The following FGF14 variants were observed in gnomAD, a reference collection of about 807,000 sequenced individuals.
The protein encoded by FGF14 is fibroblast growth factor 14, also known as fibroblast growth factor homologous factor 4.
Under a neutral mutation model 25.5 loss-of-function variants are expected in FGF14, and 5 were observed. That is an observed-to-expected ratio of 0.20 (90% CI 0.10 to 0.41). The LOEUF (loss-of-function observed/expected upper bound fraction) is 0.41. Among genes scored for constraint, FGF14 ranks in the 10% least tolerant of loss-of-function variants. The pLI is 1.00. For missense variants in FGF14, 222 were observed against 320.1 expected (o/e 0.69, Z 2.34); for synonymous variants, 138 against 118.3 (o/e 1.17, Z -1.08).
intron 3 of FGF14, among the ~76,000 whole-genome samples, chr13:101,821,211 G>A (rs1185916417): frequency 2.0e-5 from 3 of 152,172 alleles, no homozygotes; most frequent in South Asian, 4.1e-4. Flanking sequence ...GCCTCCCAAA[G>A]TGCTGGGATT....
At chr13:102,075,066 C>T (rs1175810217) in intron 1 of FGF14, among the ~76,000 whole-genome samples, 2 of 152,088 alleles carry the variant, frequency 1.3e-5, no homozygotes, top group African/African-American at 4.8e-5. Flanking sequence ...TACTGGAAGT[C>T]CTAGGCAGAG....
At chr13:101,899,554 T>C (rs958521162) in intron 1 of FGF14, among the ~76,000 whole-genome samples, 1 of 151,790 alleles carries the variant, frequency 6.6e-6, no homozygotes, top group Non-Finnish European at 1.5e-5. Flanking sequence ...ATAGCCACCC[T>C]AAAGCAAAGA....
chr13:102,171,221 T>C (rs1456928004), intron 1 of FGF14, among the ~76,000 whole-genome samples: 2 of 152,198 alleles, frequency 1.3e-5, no homozygotes, highest in East Asian at 1.9e-4. Context: ...TATCATGTGC[T>C]GTTTCTATGT....
chr13:102,346,841 G>C (rs2057121414), intron 1 of FGF14, among the ~76,000 whole-genome samples: 2 of 152,108 alleles, frequency 1.3e-5, no homozygotes, highest in Admixed American at 6.5e-5. Flanking sequence ...GCATTGCAGT[G>C]ATCAGAATTT....
At chr13:101,912,210 C>G (rs917623151) in intron 1 of FGF14, among the ~76,000 whole-genome samples, 10 of 152,068 alleles carry the variant, frequency 6.6e-5, no homozygotes, top group African/African-American at 2.4e-4. Flanking sequence ...CTTGAAAACA[C>G]ATTTTAAGTA....
intron 3 of FGF14, among the ~76,000 whole-genome samples, chr13:101,859,026 C>T (rs557195468): frequency 6.6e-6 from 1 of 152,244 alleles, no homozygotes; most frequent in East Asian, 1.9e-4. Context: ...TTATCATGCT[C>T]TTTCAGCAAA....
intron 1 of FGF14, among the ~76,000 whole-genome samples, chr13:102,205,736 A>AG (rs2049877669): frequency 8.4e-6 from 1 of 119,450 alleles, no homozygotes; most frequent in Non-Finnish European, 1.7e-5. Context: ...AGGTTGAGAG[A>AG]CAAAAAAAAA....
chr13:102,374,477 T>G lies in FGF14; in HGVS notation c.208+26994A>C, dbSNP rs191092403. Among the ~76,000 whole-genome samples, 115 of 151,644 alleles carry G rather than the reference T, an allele frequency of 7.6e-4. No individual in the cohort carries two copies. The East Asian group carries it at 0.019, about 25-fold the overall frequency. On this transcript the variant is annotated intron_variant, in intron 1 of 4. Coordinates refer to the FGF14 transcript ENST00000376131. ...CAGTCTAAGTGCATGATGGTTCATT[T>G]AAGTGATTATGTTCAGCTGTGAAGT...
intron 1 of FGF14, among the ~76,000 whole-genome samples, chr13:102,315,731 T>TC (rs2055989651): frequency 6.6e-6 from 1 of 152,148 alleles, no homozygotes; most frequent in South Asian, 2.1e-4. Context: ...TCAGCTTGGG[T>TC]CCTGTGTACC....
intron 1 of FGF14, among the ~76,000 whole-genome samples, chr13:102,098,423 T>A (rs1026533281): frequency 9.9e-5 from 15 of 152,228 alleles, no homozygotes; most frequent in African/African-American, 3.6e-4. Flanking sequence ...TCAACTTTTT[T>A]ATTATTCATA....
At chr13:102,244,835 CAT>C (rs946721707) in intron 1 of FGF14, among the ~76,000 whole-genome samples, 24 of 152,184 alleles carry the variant, frequency 1.6e-4, no homozygotes, top group South Asian at 4.1e-4. Flanking sequence ...GGAAGAACCA[CAT>C]GTTTCTGTTA....
At chr13:102,372,474 T>C (rs2057913868) in intron 1 of FGF14, among the ~76,000 whole-genome samples, 2 of 152,134 alleles carry the variant, frequency 1.3e-5, no homozygotes, top group Admixed American at 6.5e-5. Context: ...GCCAGGAAAG[T>C]CTTGGTTGAC....
intron 2 of FGF14, among the ~76,000 whole-genome samples, chr13:101,869,539 C>T (rs944046512): frequency 6.6e-6 from 1 of 152,068 alleles, no homozygotes; most frequent in African/African-American, 2.4e-5. Context: ...ATTTCCATGG[C>T]AGTGCTGCAT....
chr13:101,840,016 G>A (rs2043121360), intron 3 of FGF14, among the ~76,000 whole-genome samples: 2 of 152,034 alleles, frequency 1.3e-5, no homozygotes, highest in South Asian at 2.1e-4. Flanking sequence ...AAATACTTGT[G>A]ATTTAATGCC....
In FGF14 at chr13:101,861,733, C is replaced by T. The variant is rs562649691; in HGVS notation, c.408+6992G>A. 2.2e-4 allele frequency among the ~76,000 whole-genome samples: 34 copies of T among 152,126 alleles called. No individual in the cohort carries two copies. In the South Asian group the frequency reaches 3.7e-3, roughly 17 times the overall value. ...TGCCCCCACAGCACACATACACACACGCACATTATCCAAAAACAAGCCAAG... is the reference window on the plus strand; with the variant it reads ...TGCCCCCACAGCACACATACACACATGCACATTATCCAAAAACAAGCCAAG... On this transcript the variant is annotated intron_variant, in intron 3 of 4. Transcript: ENST00000376143.
chr13:102,005,020 A>C (rs1398805368), intron 1 of FGF14, among the ~76,000 whole-genome samples: 6 of 152,318 alleles, frequency 3.9e-5, no homozygotes, highest in South Asian at 2.1e-4. Flanking sequence ...ATGAAAATGA[A>C]CTAACACACA....
chr13:102,136,127 A>T (rs1323116028), intron 1 of FGF14, among the ~76,000 whole-genome samples: 1 of 152,168 alleles, frequency 6.6e-6, no homozygotes, highest in Non-Finnish European at 1.5e-5. Flanking sequence ...GGATTTTAAA[A>T]TTTAATGCTC....
At chr13:101,917,382 TAAGA>T (rs200850908), upstream of FGF14, among the ~76,000 whole-genome samples, 812 of 151,690 alleles carry the variant, frequency 5.4e-3, 10 homozygotes, top group African/African-American at 0.018. Flanking sequence ...TTAAAAATAA[TAAGA>T]AAGAAAGCTA....
chr13:101,837,671 C>T (rs552290536), intron 3 of FGF14, among the ~76,000 whole-genome samples: 2 of 152,084 alleles, frequency 1.3e-5, no homozygotes, highest in African/African-American at 4.8e-5. Flanking sequence ...GGCTAACAAA[C>T]TCCTAAGTCA....
Sources: gnomAD v4.1 joint callset for allele counts (sites outside exome capture counted in the v4.1 genomes callset) on GRCh38, gnomAD v4.1.1 for gene constraint, MANE v1.5 for transcripts, NCBI Gene and HGNC (gene_info 2026-07-23, HGNC 2026-07-21) for gene names.